The following CPNE4 variants were observed in gnomAD, a reference collection of about 807,000 sequenced individuals.
The protein encoded by CPNE4 is copine 4.
Under a neutral mutation model 67.9 loss-of-function variants are expected in CPNE4, and 25 were observed. That is an observed-to-expected ratio of 0.37 (90% confidence interval 0.27 to 0.51). The LOEUF (loss-of-function observed/expected upper bound fraction) is 0.51. Ranked by LOEUF, CPNE4 falls within the 20% of genes least tolerant of loss-of-function variation. The pLI is 0.93. For synonymous variants in CPNE4, 242 were observed against 244.9 expected (o/e 0.99, Z 0.11); for missense variants, 464 against 690.8 (o/e 0.67, Z 3.68).
rs1377350448 is a variant in CPNE4 at position 131,645,000 on chromosome 3, T to C, written c.681+24675A>G. Among the ~76,000 whole-genome samples, 4 of 152,198 alleles carry C rather than the reference T, an allele frequency of 2.6e-5. No homozygotes were observed. The South Asian group carries it at 8.3e-4, about 32-fold the overall frequency. Reference sequence around the variant, plus strand: ...CAAAAAGCTTCTGATGAACTGGAACTAGGAATTTACTGCCAACAGAGATGC... The same window carrying C: ...CAAAAAGCTTCTGATGAACTGGAACCAGGAATTTACTGCCAACAGAGATGC... On this transcript the variant is annotated intron_variant, in intron 7 of 15. Coordinates refer to ENST00000429747, the MANE Select transcript of CPNE4 (RefSeq NM_130808.3).
intron 2 of CPNE4, among the ~76,000 whole-genome samples, chr3:131,824,391 G>A (rs1469632888): frequency 6.6e-6 from 1 of 152,134 alleles, no homozygotes; most frequent in Non-Finnish European, 1.5e-5. Flanking sequence ...AGCTTACCAG[G>A]GGACTCGAGT....
intron 2 of CPNE4, among the ~76,000 whole-genome samples, chr3:131,767,494 C>A (rs192970187): frequency 1.6e-4 from 25 of 152,070 alleles, no homozygotes; most frequent in Non-Finnish European, 1.6e-4. Context: ...ATATTAATAG[C>A]CCAGTTGGCT....
At chr3:131,981,435 C>T (rs992191607) in intron 1 of CPNE4, among the ~76,000 whole-genome samples, 10 of 151,948 alleles carry the variant, frequency 6.6e-5, no homozygotes, top group South Asian at 2.1e-4. Flanking sequence ...GGATTATGGC[C>T]GCCTCTTCTG....
At chr3:131,642,730 T>C (rs191663847) in intron 7 of CPNE4, among the ~76,000 whole-genome samples, 231 of 152,278 alleles carry the variant, frequency 1.5e-3, no homozygotes, top group African/African-American at 5.3e-3. Context: ...CCCCTTTGCT[T>C]GGCACTTCCC....
At chr3:131,630,436 C>T (rs890240642) in intron 7 of CPNE4, among the ~76,000 whole-genome samples, 1 of 152,156 alleles carries the variant, frequency 6.6e-6, no homozygotes, top group Admixed American at 6.5e-5. Flanking sequence ...AGTGAAAAAA[C>T]CTCAAACAGA....
At chr3:131,644,010 C>T (rs2079601556) in intron 7 of CPNE4, among the ~76,000 whole-genome samples, 1 of 152,096 alleles carries the variant, frequency 6.6e-6, no homozygotes, top group African/African-American at 2.4e-5. Flanking sequence ...ATACAGTGCC[C>T]ATTTAATAGC....
chr3:131,999,710 A>G (rs1348277039), intron 1 of CPNE4, among the ~76,000 whole-genome samples: 1 of 152,058 alleles, frequency 6.6e-6, no homozygotes. Context: ...TTTTAGTGGT[A>G]GAACTGGCAC....
intron 11 of CPNE4, among the ~76,000 whole-genome samples, chr3:131,559,395 A>C (rs1049701244): frequency 6.6e-6 from 1 of 151,912 alleles, no homozygotes; most frequent in Non-Finnish European, 1.5e-5. Context: ...AATAGGTAGC[A>C]CTCATCCACA....
Position 131,685,960 on chromosome 3 carries a change from T to TA in CPNE4, c.508-3dup. 1 of 1,528,280 alleles carries TA rather than the reference T, an allele frequency of 6.5e-7. No individual in the cohort carries two copies. Among genetic ancestry groups the TA allele is most frequent in the Non-Finnish European group, 9.1e-7 (1 of 1,102,592 alleles). 94.7% of individuals were successfully genotyped at this position (1,528,280 alleles called of 1,614,324 possible). On this transcript the variant is annotated splice_region_variant and splice_polypyrimidine_tract_variant and intron_variant, in intron 5 of 15. Transcript: ENST00000429747. ...TGGGTCAGATTTACTGAAGAAATCC[T>TA]AAAATAGATAAACGTCAATGAATTG...
At chr3:131,944,713 C>CATAAATAAAATAAAATAAA (rs770428515) in intron 1 of CPNE4, among the ~76,000 whole-genome samples, 9 of 152,190 alleles carry the variant, frequency 5.9e-5, no homozygotes, top group South Asian at 4.1e-4. Flanking sequence ...AATCAATTTA[C>CATAAATAAAATAAAATAAA]ATCTTAATTT....
chr3:131,816,082 C>A (rs904311480), intron 2 of CPNE4, among the ~76,000 whole-genome samples: 16 of 152,112 alleles, frequency 1.1e-4, no homozygotes, highest in African/African-American at 3.6e-4. Context: ...AAGATGGAGT[C>A]AGCTGTTAGA....
At chr3:131,723,658 A>T (rs770427336) in intron 2 of CPNE4, 33 bp from the exon 3 acceptor site, 1 of 1,575,854 alleles carries the variant, frequency 6.3e-7, no homozygotes, top group African/African-American at 1.4e-5. Context: ...TATCAGAGAT[A>T]AGGATTATTT....
intron 2 of CPNE4, among the ~76,000 whole-genome samples, chr3:131,870,646 T>G (rs2087159475): frequency 6.6e-6 from 1 of 152,198 alleles, no homozygotes; most frequent in South Asian, 2.1e-4. Context: ...CCCTCCTTCT[T>G]TTATAAACAG....
intron 2 of CPNE4, among the ~76,000 whole-genome samples, chr3:131,796,373 G>C (rs761518176): frequency 2.6e-5 from 4 of 151,962 alleles, no homozygotes; most frequent in Non-Finnish European, 4.4e-5. Flanking sequence ...GGATGAAGTC[G>C]GGTGTCTCAT....
intron 1 of CPNE4, among the ~76,000 whole-genome samples, chr3:131,951,917 C>G (rs1410412177): frequency 2.0e-5 from 3 of 152,130 alleles, no homozygotes; most frequent in Non-Finnish European, 4.4e-5. Context: ...TCGCTACAAC[C>G]TCCACCTCCC....
intron 11 of CPNE4, among the ~76,000 whole-genome samples, chr3:131,557,723 T>C (rs1936538489): frequency 1.3e-5 from 2 of 152,002 alleles, no homozygotes; most frequent in Non-Finnish European, 2.9e-5. Context: ...TAGGAGAAAA[T>C]ATACTTCTGG....
chr3:131,555,137 G>T (rs1936392834), intron 12 of CPNE4, among the ~76,000 whole-genome samples: 1 of 152,032 alleles, frequency 6.6e-6, no homozygotes, highest in Admixed American at 6.6e-5. Context: ...GACTTTCCCA[G>T]TTGGCATTGC....
At chr3:131,872,780 G>A (rs187953898) in intron 2 of CPNE4, among the ~76,000 whole-genome samples, 106 of 152,296 alleles carry the variant, frequency 7.0e-4, no homozygotes, top group African/African-American at 2.5e-3. Flanking sequence ...CAGGCCATAT[G>A]AAAAGGCCAT....
chr3:131,873,756 G>T (rs1304345150), intron 2 of CPNE4, among the ~76,000 whole-genome samples: 1 of 152,294 alleles, frequency 6.6e-6, no homozygotes, highest in African/African-American at 2.4e-5. Flanking sequence ...CACTCTCACA[G>T]TGTGATAAGA....
Sources: gnomAD v4.1 joint callset for allele counts (sites outside exome capture counted in the v4.1 genomes callset) on GRCh38, gnomAD v4.1.1 for gene constraint, MANE v1.5 for transcripts, NCBI Gene and HGNC (gene_info 2026-07-23, HGNC 2026-07-21) for gene names.